The following ACOXL variants were observed in gnomAD, a reference collection of about 807,000 sequenced individuals.
The protein encoded by ACOXL is acyl-CoA oxidase like.
In ACOXL, 70 loss-of-function variants were observed where a neutral mutation model predicts 71.9. The ratio of observed to expected loss-of-function variants is 0.97; its 90% CI spans 0.80 to 1.19. The LOEUF is 1.19. Among genes scored for constraint, ACOXL ranks in the 50% most tolerant of loss-of-function variants. The pLI is 0.00. For synonymous variants in ACOXL, 253 were observed against 281.6 expected, an observed-to-expected ratio of 0.90 and a Z score of 1.02; for missense variants, 703 against 736.3, an observed-to-expected ratio of 0.95 and a Z score of 0.52.
intron 17 of ACOXL, among the ~76,000 whole-genome samples, chr2:111,106,459 T>C (rs988891622): frequency 1.3e-5 from 2 of 152,204 alleles, no homozygotes; most frequent in South Asian, 2.1e-4. Context: ...TAATTGCTCA[T>C]TGAAACAGTT....
chr2:110,959,280 G>A lies in ACOXL; in HGVS notation c.1059+25638G>A, dbSNP rs530036171. ...CATGAACCCCAGGCGGGAGGCTGTC[G>A]GCTCTTGGCCCAGCTCCCCTGGGGC... On this transcript the variant is annotated intron_variant, in intron 12 of 17. Coordinates refer to ENST00000439055, the MANE Select transcript of ACOXL (RefSeq NM_001142807.4). Among the ~76,000 whole-genome samples the A allele has an allele frequency of 9.4e-4, 143 of 152,182 alleles. 2 individuals carry two copies. The highest frequency in any genetic ancestry group is 3.1e-3 in the African/African-American group (128 of 41,518).
At chr2:110,858,943 A>G (rs1025867455) in intron 10 of ACOXL, among the ~76,000 whole-genome samples, 3 of 152,180 alleles carry the variant, frequency 2.0e-5, no homozygotes, top group South Asian at 2.1e-4. Context: ...GAGAGTTTGC[A>G]TGCTTCGTGC....
At chr2:111,075,500 AT>A (rs1385111746) in intron 16 of ACOXL, among the ~76,000 whole-genome samples, 3 of 152,020 alleles carry the variant, frequency 2.0e-5, no homozygotes, top group Non-Finnish European at 4.4e-5. Flanking sequence ...TTAGAACTTT[AT>A]CAATTATCTT....
At chr2:111,092,795 C>T (rs2068600580) in intron 16 of ACOXL, 70 bp from the exon 17 acceptor site, 1 of 1,039,220 alleles carries the variant, frequency 9.6e-7, no homozygotes, top group Non-Finnish European at 1.5e-6. Context: ...TTCTCTTTCG[C>T]CTCCTTAGAT....
At chr2:110,733,928 T>C (rs560036638) in intron 1 of ACOXL, among the ~76,000 whole-genome samples, 12 of 152,230 alleles carry the variant, frequency 7.9e-5, no homozygotes, top group Non-Finnish European at 1.5e-4. Context: ...AAAAAAGTTA[T>C]TAGCTTTTTC....
chr2:111,034,318 T>G (rs1169801000), intron 15 of ACOXL, among the ~76,000 whole-genome samples: 1 of 152,236 alleles, frequency 6.6e-6, no homozygotes, highest in Non-Finnish European at 1.5e-5. Flanking sequence ...AGGAAAACCT[T>G]AGTTCTTATA....
chr2:110,777,425 CAG>C (rs1356837446), intron 2 of ACOXL, among the ~76,000 whole-genome samples: 1 of 152,180 alleles, frequency 6.6e-6, no homozygotes, highest in Admixed American at 6.5e-5. Context: ...TTTTACAAGT[CAG>C]GGGACTAAGA....
chr2:111,074,143 C>T (rs1032580502), intron 16 of ACOXL, among the ~76,000 whole-genome samples: 2 of 149,600 alleles, frequency 1.3e-5, no homozygotes, highest in Non-Finnish European at 3.0e-5. Flanking sequence ...TAGGGCATGT[C>T]GGGGGACATT....
intron 1 of ACOXL, among the ~76,000 whole-genome samples, chr2:110,766,726 G>A (rs896499967): frequency 6.6e-6 from 1 of 152,210 alleles, no homozygotes; most frequent in East Asian, 1.9e-4. Context: ...GTGTTGGTGT[G>A]AAGCAGGGTG....
intron 12 of ACOXL, among the ~76,000 whole-genome samples, chr2:110,969,616 G>A (rs551757698): frequency 3.3e-4 from 50 of 152,134 alleles, no homozygotes; most frequent in Admixed American, 5.9e-4. Context: ...TTCAAGACCA[G>A]CCTGGGCAAC....
At chr2:110,850,405 C>T (rs1692460346) in intron 10 of ACOXL, among the ~76,000 whole-genome samples, 1 of 152,164 alleles carries the variant, frequency 6.6e-6, no homozygotes, top group Non-Finnish European at 1.5e-5. Flanking sequence ...CTTACAGCCC[C>T]TTCACAAGAA....
chr2:110,873,428 C>T (rs564175064), intron 10 of ACOXL, among the ~76,000 whole-genome samples: 9 of 152,290 alleles, frequency 5.9e-5, no homozygotes, highest in Admixed American at 2.6e-4. Context: ...CACAGGATGC[C>T]GTGAGCCCCA....
intron 11 of ACOXL, among the ~76,000 whole-genome samples, chr2:110,915,438 T>TTC (rs2059820869): frequency 6.9e-6 from 1 of 144,534 alleles, no homozygotes; most frequent in African/African-American, 2.5e-5. Context: ...ATTTTTTTTT[T>TTC]TTTGAGATGG....
At chr2:110,783,670 GACAC>G (rs557990186) in intron 2 of ACOXL, among the ~76,000 whole-genome samples, 5 of 152,026 alleles carry the variant, frequency 3.3e-5, no homozygotes, top group Non-Finnish European at 5.9e-5. Flanking sequence ...CGCACATATA[GACAC>G]ACACATGCAT....
intron 11 of ACOXL, among the ~76,000 whole-genome samples, chr2:110,925,853 CTT>C (rs59794309): frequency 1.0e-3 from 121 of 121,006 alleles, no homozygotes; most frequent in African/African-American, 3.1e-3. Flanking sequence ...TTACTTCTAG[CTT>C]TTTTTTTTTT....
At chr2:110,872,607 G>A (rs909955956) in intron 10 of ACOXL, among the ~76,000 whole-genome samples, 4 of 152,236 alleles carry the variant, frequency 2.6e-5, no homozygotes, top group Admixed American at 2.6e-4. Flanking sequence ...TTCCAGCAAG[G>A]CCATGCCAGG....
intron 16 of ACOXL, among the ~76,000 whole-genome samples, chr2:111,069,928 G>A (rs1285271723): frequency 6.6e-6 from 1 of 151,886 alleles, no homozygotes; most frequent in Non-Finnish European, 1.5e-5. Context: ...ACACCACAAG[G>A]GGGACAGTGA....
At chr2:110,830,115 C>T (rs1465046162) in intron 9 of ACOXL, among the ~76,000 whole-genome samples, 1 of 152,168 alleles carries the variant, frequency 6.6e-6, no homozygotes, top group East Asian at 1.9e-4. Context: ...AAGATTTCCT[C>T]CATATTTTTT....
At chr2:110,921,389 C>T (rs1233295294) in intron 11 of ACOXL, among the ~76,000 whole-genome samples, 1 of 67,546 alleles carries the variant, frequency 1.5e-5, no homozygotes, top group Non-Finnish European at 2.8e-5. Context: ...TATATATCCA[C>T]CCCCCCCCCC....
Sources: allele counts gnomAD v4.1 joint callset (sites outside exome capture counted in the v4.1 genomes callset), GRCh38; gene constraint gnomAD v4.1.1; transcripts MANE v1.5; gene names NCBI Gene and HGNC (gene_info 2026-07-23, HGNC 2026-07-21).